Variants in ARGLU1 observed in about 807,000 individuals in gnomAD.
ARGLU1 encodes the protein arginine and glutamate-rich protein 1.
ARGLU1 carries 9 observed loss-of-function variants against 37.6 expected under a neutral mutation model. The ratio of observed to expected loss-of-function variants is 0.24; its 90% CI spans 0.14 to 0.42. The LOEUF (loss-of-function observed/expected upper bound fraction) is 0.42. ARGLU1 is among the 10% of genes least tolerant of loss of function. ARGLU1 has a pLI of 1.00. For missense variants in ARGLU1, 211 were observed against 359.2 expected (o/e 0.59, Z 3.34); for synonymous variants, 166 against 138.5 (o/e 1.20, Z -1.39).
At position 106,557,344 on chromosome 13, in the gene ARGLU1, TA is replaced by T; in HGVS notation, c.574-214del. On this transcript the variant is annotated intron_variant, in intron 2 of 3. Coordinates refer to ENST00000400198, the MANE Select transcript of ARGLU1 (RefSeq NM_018011.4). This position sits in a 1 kb window ranked among gnomAD's most constrained non-coding sequence, Gnocchi z 5.0. ...CCTCCCAGTCCAAACAGCAACCAAC[TA>T]AACCCTCCCTAATGATAGTTTCCTG... is the stretch of plus-strand genomic sequence containing the variant. The T allele has an allele frequency of 1.6e-6, 1 of 626,952 alleles. No individual in the cohort carries two copies. The highest frequency in any genetic ancestry group is 2.5e-6 in the Non-Finnish European group (1 of 392,656). The allele number at this position is 626,952 out of a possible 1,614,324, so 38.8% of individuals were successfully genotyped here. A position where few individuals can be genotyped will look rare whatever the true frequency, so the allele number is the denominator to read the frequency against.
Position 106,541,944 on chromosome 13 carries a change from A to G in ARGLU1, c.*2052T>C, listed in dbSNP as rs2072807329. Reference sequence around the variant, plus strand: ...AATTACTACATTGTTGCAGCACATTAAAGACTGGATGGTGTATATTATTCA... The same window carrying G: ...AATTACTACATTGTTGCAGCACATTGAAGACTGGATGGTGTATATTATTCA... On this transcript the variant is annotated 3_prime_UTR_variant, in exon 4 of 4. Transcript: ENST00000400198. 1 of 152,202 alleles carries G rather than the reference A, an allele frequency of 6.6e-6. No individual in the cohort carries two copies. The allele number at this position is 152,202 out of a possible 1,614,324, so 9.4% of individuals were successfully genotyped here.
Position 106,568,097 on chromosome 13 carries a change from G to A in ARGLU1, c.-178C>T. 2.0e-6 allele frequency: 2 copies of A among 982,392 alleles called. No homozygotes were observed. Among genetic ancestry groups the A allele is most frequent in the East Asian group, 3.1e-5 (1 of 32,400 alleles). The allele number at this position is 982,392 out of a possible 1,614,324, so 60.9% of individuals were successfully genotyped here. A position where few individuals can be genotyped will look rare whatever the true frequency, so the allele number is the denominator to read the frequency against. ...AGCTGCCACGAAGGCCGCCTCCAAC[G>A]AGAAACCCGTAGCGCCAGGCGCCCC... On this transcript the variant is annotated 5_prime_UTR_variant, in exon 1 of 4. Transcript: ENST00000400198.
At chr13:106,546,274 A>T (rs1880388466) in intron 3 of ARGLU1, among the ~76,000 whole-genome samples, 1 of 152,142 alleles carries the variant, frequency 6.6e-6, no homozygotes, top group African/African-American at 2.4e-5. Flanking sequence ...CTTGTTCTCA[A>T]ATTGCCAATG....
intron 1 of ARGLU1, among the ~76,000 whole-genome samples, chr13:106,562,752 G>A (rs574938363): frequency 6.6e-6 from 1 of 152,050 alleles, no homozygotes; most frequent in Non-Finnish European, 1.5e-5. Context: ...AGCACTTTGG[G>A]AGGCCCAGGC....
rs1415071487 is a variant in ARGLU1, at chr13:106,543,991, G to A, written c.*5C>T. 2 of 1,580,202 alleles carry A rather than the reference G, an allele frequency of 1.3e-6. No homozygotes were observed. The highest frequency in any genetic ancestry group is 2.3e-5 in the East Asian group (1 of 43,404). On this transcript the variant is annotated 3_prime_UTR_variant, in exon 4 of 4. Coordinates refer to ENST00000400198, the MANE Select transcript of ARGLU1 (RefSeq NM_018011.4). ...TTTCTTTGTAAAAAGTTCAGAGTTT[G>A]CAATTTAATCCTGGGTTTTTAATGA... is the stretch of plus-strand genomic sequence containing the variant.
At chr13:106,553,678 G>C (rs1424896862) in intron 3 of ARGLU1, among the ~76,000 whole-genome samples, 1 of 152,136 alleles carries the variant, frequency 6.6e-6, no homozygotes, top group Non-Finnish European at 1.5e-5. Context: ...CTGAGGTTGA[G>C]ATATATTTTC....
At chr13:106,555,325 C>T (rs1880635081) in intron 3 of ARGLU1, among the ~76,000 whole-genome samples, 1 of 152,124 alleles carries the variant, frequency 6.6e-6, no homozygotes, top group Admixed American at 6.5e-5. Context: ...TGCGCCATTG[C>T]ACTTCAGCCT....
intron 1 of ARGLU1, among the ~76,000 whole-genome samples, chr13:106,561,588 G>A (rs1023405029): frequency 2.0e-5 from 3 of 151,770 alleles, no homozygotes; most frequent in Admixed American, 6.6e-5. Context: ...TCATAGTACC[G>A]ACTATTAAAA....
At chr13:106,560,161 G>A (rs1319540280) in intron 1 of ARGLU1, among the ~76,000 whole-genome samples, 2 of 152,264 alleles carry the variant, frequency 1.3e-5, no homozygotes, top group Non-Finnish European at 2.9e-5. Context: ...GACTAATAGT[G>A]CGTAGTTTTT....
intron 1 of ARGLU1, among the ~76,000 whole-genome samples, chr13:106,562,666 T>A (rs1880842425): frequency 1.3e-5 from 2 of 151,986 alleles, no homozygotes; most frequent in African/African-American, 2.4e-5. Context: ...TAATACTAGG[T>A]CCTATTTTCT....
intron 1 of ARGLU1, 140 bp from the exon 2 acceptor site, chr13:106,559,797 T>A: frequency 1.1e-6 from 1 of 928,680 alleles, no homozygotes. Flanking sequence ...CATGTCACAT[T>A]TGAGGAAATG....
At chr13:106,563,839 C>T (rs1176577491) in intron 1 of ARGLU1, among the ~76,000 whole-genome samples, 4 of 151,324 alleles carry the variant, frequency 2.6e-5, no homozygotes, top group African/African-American at 9.7e-5. Context: ...AGTGTAGATA[C>T]TCTAATTTAG....
chr13:106,562,656 T>C (rs1378401126), intron 1 of ARGLU1, among the ~76,000 whole-genome samples: 2 of 152,078 alleles, frequency 1.3e-5, no homozygotes, highest in Non-Finnish European at 2.9e-5. Context: ...TGAAATGGTA[T>C]AATACTAGGT....
chr13:106,544,307 A>G (rs915708058), intron 3 of ARGLU1, 147 bp from the exon 4 acceptor site: 11 of 566,278 alleles, frequency 1.9e-5, no homozygotes, highest in Non-Finnish European at 2.8e-5. Flanking sequence ...CTTCCTATGA[A>G]TTACATGCCT....
At chr13:106,565,138 C>T (rs1256189833) in intron 1 of ARGLU1, among the ~76,000 whole-genome samples, 3 of 152,214 alleles carry the variant, frequency 2.0e-5, no homozygotes, top group African/African-American at 4.8e-5. Context: ...TGCTTAAAAT[C>T]CTTCCCGTTT....
intron 1 of ARGLU1, among the ~76,000 whole-genome samples, chr13:106,562,906 G>A (rs748046861): frequency 1.7e-4 from 26 of 150,318 alleles, no homozygotes; most frequent in Non-Finnish European, 3.0e-4. Flanking sequence ...CCAGCTACTC[G>A]GGAGGCTGAG....
Position 106,567,470 on chromosome 13 carries a change from T to TC in ARGLU1, c.347+102dup, listed in dbSNP as rs1197660647. On this transcript the variant is annotated intron_variant, in intron 1 of 3. Coordinates refer to ENST00000400198, the MANE Select transcript of ARGLU1 (RefSeq NM_018011.4). The surrounding 1 kb of genome is among the most constrained non-coding windows in gnomAD (Gnocchi z 4.3). ...GCGCCCGGTCCCCAGCCCCGGACCG[T>TC]CCCCGCCATTCTCCCGGCCCGCACC... 2.5e-6 allele frequency: 2 copies of TC among 808,164 alleles called. No individual in the cohort carries two copies. Among genetic ancestry groups the TC allele is most frequent in the Non-Finnish European group, 3.8e-6 (2 of 531,114 alleles). The allele number at this position is 808,164 out of a possible 1,614,324, so 50.1% of individuals were successfully genotyped here. A position where few individuals can be genotyped will look rare whatever the true frequency, so the allele number is the denominator to read the frequency against.
chr13:106,544,694 TAC>T (rs1262772222), intron 3 of ARGLU1, among the ~76,000 whole-genome samples: 3 of 151,966 alleles, frequency 2.0e-5, no homozygotes, highest in African/African-American at 7.3e-5. Flanking sequence ...TTGAAGGGCA[TAC>T]ACACACACAA....
At chr13:106,561,563 A>G (rs550763531) in intron 1 of ARGLU1, among the ~76,000 whole-genome samples, 1 of 152,300 alleles carries the variant, frequency 6.6e-6, no homozygotes, top group Admixed American at 6.5e-5. Flanking sequence ...CTTTTAATTA[A>G]CAATACTAGG....
Sources: gnomAD v4.1 joint callset for allele counts (sites outside exome capture counted in the v4.1 genomes callset) on GRCh38, gnomAD v4.1.1 for gene constraint, Gnocchi (gnomAD v3.1) non-coding constraint, MANE v1.5 for transcripts, NCBI Gene and HGNC (gene_info 2026-07-23, HGNC 2026-07-21) for gene names.